The following DOCK2 variants were observed in gnomAD, a reference collection of about 807,000 sequenced individuals.
The protein encoded by DOCK2 is dedicator of cytokinesis 2, also known as dedicator of cytokinesis protein 2.
A neutral mutation model predicts 248.9 loss-of-function variants in DOCK2; 87 were observed. The ratio of observed to expected loss-of-function variants is 0.35; its 90% CI spans 0.29 to 0.42. DOCK2 has a LOEUF of 0.42. DOCK2 is among the 10% of genes least tolerant of loss of function. DOCK2 has a pLI of 1.00. For missense variants in DOCK2, 1,747 were observed against 2,300.2 expected (o/e 0.76, Z 4.92); for synonymous variants, 805 against 821.6 (o/e 0.98, Z 0.35).
chr5:170,022,460 G>A (rs1335157009), intron 33 of DOCK2, among the ~76,000 whole-genome samples: 1 of 151,898 alleles, frequency 6.6e-6, no homozygotes, highest in East Asian at 1.9e-4. Flanking sequence ...TGATGGGTTT[G>A]ACTGATGACA....
At chr5:169,981,636 A>G (rs1264437623) in intron 27 of DOCK2, among the ~76,000 whole-genome samples, 5 of 152,110 alleles carry the variant, frequency 3.3e-5, no homozygotes, top group Admixed American at 2.0e-4. Context: ...GTCTTTTTTT[A>G]AGAAATTGCC....
intron 27 of DOCK2, among the ~76,000 whole-genome samples, chr5:169,849,780 T>C (rs1770524891): frequency 6.6e-6 from 1 of 152,222 alleles, no homozygotes; most frequent in African/African-American, 2.4e-5. Context: ...TCCTTCTGCC[T>C]TTAGCTCATC....
chr5:169,943,677 A>C (rs1284981212), intron 27 of DOCK2, among the ~76,000 whole-genome samples: 1 of 152,128 alleles, frequency 6.6e-6, no homozygotes, highest in African/African-American at 2.4e-5. Context: ...GTGGTTCTCA[A>C]GGTGTGGTCC....
intron 27 of DOCK2, among the ~76,000 whole-genome samples, chr5:169,866,131 G>T (rs183635518): frequency 6.6e-6 from 1 of 152,132 alleles, no homozygotes; most frequent in Non-Finnish European, 1.5e-5. Context: ...CTGATGGGGT[G>T]TTAGTTCTTA....
intron 25 of DOCK2, among the ~76,000 whole-genome samples, chr5:169,801,536 C>T (rs1766989306): frequency 6.6e-6 from 1 of 152,152 alleles, no homozygotes; most frequent in Admixed American, 6.5e-5. Context: ...GTATTAGTAC[C>T]GTTGGCAGTT....
At chr5:170,038,523 G>A (rs377656649) in intron 36 of DOCK2, among the ~76,000 whole-genome samples, 2 of 152,196 alleles carry the variant, frequency 1.3e-5, no homozygotes, top group East Asian at 3.8e-4. Context: ...GGAAAACTCA[G>A]AAGGTGTGAC....
At chr5:170,047,670 A>G in intron 40 of DOCK2, 56 bp downstream of exon 40, 1 of 1,492,506 alleles carries the variant, frequency 6.7e-7, no homozygotes, top group Non-Finnish European at 9.3e-7. Flanking sequence ...TCGGCATCTC[A>G]GCGGTCCTTC....
Position 169,654,521 on chromosome 5 carries a change from C to A in DOCK2, c.127+35C>A, listed in dbSNP as rs202240320. The stretch of plus-strand genomic sequence containing the variant: ...TGGCCCACGCCCCAAGTGCTGGACC[C>A]TTGGCTGATGGAAGCCTATAGTACA... On this transcript the variant is annotated intron_variant, in intron 2 of 51. Coordinates refer to ENST00000520908, the MANE Select transcript of DOCK2 (RefSeq NM_004946.3). 6.9e-4 allele frequency: 1,112 copies of A among 1,611,702 alleles called. 3 individuals carry two copies. The highest frequency in any genetic ancestry group is 8.5e-4 in the Non-Finnish European group (1,004 of 1,178,270).
chr5:169,680,670 A>G (rs1390600114), intron 6 of DOCK2, among the ~76,000 whole-genome samples: 1 of 152,066 alleles, frequency 6.6e-6, no homozygotes, highest in Admixed American at 6.5e-5. Context: ...GTGGGAAGCT[A>G]TGATCACACC....
intron 27 of DOCK2, among the ~76,000 whole-genome samples, chr5:169,870,481 G>A (rs746774655): frequency 6.6e-6 from 1 of 152,148 alleles, no homozygotes; most frequent in Non-Finnish European, 1.5e-5. Flanking sequence ...GAGCCAAAAG[G>A]AGATAAAAAT....
At chr5:169,710,281 C>G (rs954864163) in intron 15 of DOCK2, among the ~76,000 whole-genome samples, 17 of 152,194 alleles carry the variant, frequency 1.1e-4, no homozygotes, top group Non-Finnish European at 2.1e-4. Flanking sequence ...GGTGAGCACC[C>G]TGGTTCCCTT....
Position 169,939,587 on chromosome 5 carries a change from A to G in DOCK2, c.2800-43481A>G, listed in dbSNP as rs80171237. Among the ~76,000 whole-genome samples the G allele has an allele frequency of 8.0e-3, 1,220 of 152,320 alleles. 62 individuals are homozygous for G. The East Asian group carries it at 0.13, about 17-fold the overall frequency. On this transcript the variant is annotated intron_variant, in intron 27 of 51. Transcript: ENST00000520908. The stretch of plus-strand genomic sequence containing the variant: ...TGTACTTTTATATGACGGGCAGCAC[A>G]GTATGTTAGTTTACAAATAGGTGAG...
chr5:169,918,331 C>T (rs886330673), intron 27 of DOCK2, among the ~76,000 whole-genome samples: 1 of 152,096 alleles, frequency 6.6e-6, no homozygotes, highest in Non-Finnish European at 1.5e-5. Flanking sequence ...ATATATAACC[C>T]AGCGATTCTT....
intron 33 of DOCK2, among the ~76,000 whole-genome samples, chr5:170,025,816 C>CTTCCTTCT (rs1561886481): frequency 6.4e-4 from 66 of 103,802 alleles, no homozygotes; most frequent in Non-Finnish European, 6.1e-4. Flanking sequence ...TCCTTCCTTC[C>CTTCCTTCT]TTCCTTCCTT....
chr5:169,916,213 G>A (rs11742527), intron 27 of DOCK2, among the ~76,000 whole-genome samples: 54,586 of 152,004 alleles, frequency 0.36, 10,144 homozygotes, highest in South Asian at 0.41. Context: ...GGATTCATAC[G>A]GAACCTCTTC....
At chr5:169,921,292 G>C (rs560273106) in intron 27 of DOCK2, among the ~76,000 whole-genome samples, 1 of 152,228 alleles carries the variant, frequency 6.6e-6, no homozygotes, top group South Asian at 2.1e-4. Flanking sequence ...ATATTATATA[G>C]GAAATCTCAT....
chr5:169,895,049 G>A (rs1773519300), intron 27 of DOCK2, among the ~76,000 whole-genome samples: 1 of 152,052 alleles, frequency 6.6e-6, no homozygotes, highest in Non-Finnish European at 1.5e-5. Flanking sequence ...TGCTGGAATC[G>A]ATGTTGCATT....
chr5:169,971,815 A>T (rs546089310), intron 27 of DOCK2, among the ~76,000 whole-genome samples: 11 of 152,248 alleles, frequency 7.2e-5, no homozygotes, highest in African/African-American at 2.6e-4. Flanking sequence ...GCCCTTCCAT[A>T]TTCTTCCCCT....
At chr5:169,779,170 C>A (rs1183600092) in intron 25 of DOCK2, 1 of 152,174 alleles carries the variant, frequency 6.6e-6, no homozygotes, top group Non-Finnish European at 1.5e-5. Context: ...TTACCACCAC[C>A]CCTGATCCAT....
Sources: allele counts gnomAD v4.1 joint callset (sites outside exome capture counted in the v4.1 genomes callset), GRCh38; gene constraint gnomAD v4.1.1; transcripts MANE v1.5; gene names NCBI Gene and HGNC (gene_info 2026-07-23, HGNC 2026-07-21).